The following GREP1 variants were observed in gnomAD, a reference collection of about 807,000 sequenced individuals.
GREP1 encodes the protein glycine-rich extracellular protein 1.
chr16:2,998,636 CT>C (rs2072440755), intron 25 of GREP1, 113 bp downstream of exon 23: 1 of 398,064 alleles, frequency 2.5e-6, no homozygotes. Flanking sequence ...CTACATCCCT[CT>C]ATCCCCTGCC....
intron 2 of GREP1, chr16:2,988,844 G>T: frequency 2.5e-6 from 1 of 394,242 alleles, no homozygotes; most frequent in African/African-American, 2.1e-5. Flanking sequence ...CAGCCCTGAG[G>T]ACGGGCCTGG....
chr16:2,989,002 T>A lies in GREP1; in HGVS notation c.100+380T>A. 1 of 273,132 alleles carries A rather than the reference T, an allele frequency of 3.7e-6. No homozygotes were observed. The allele number at this position is 273,132 out of a possible 1,614,324, so 16.9% of individuals were successfully genotyped here. ...GGAGTGTCATGGAAGAGTCTTTACT[T>A]CAGGGACCTGGGGGGTCCTAAGGGT... On this transcript the variant is annotated intron_variant, in intron 2 of 34. Coordinates refer to ENST00000573315, the Ensembl canonical transcript of GREP1. The surrounding 1 kb of genome is among the most constrained non-coding windows in gnomAD (Gnocchi z 4.2).
chr16:2,998,950 C>T (rs2072443323), exon 26 of GREP1: 2 of 399,152 alleles, frequency 5.0e-6, no homozygotes, highest in South Asian at 2.5e-4. Flanking sequence ...TCCCAGCCCC[C>T]TTCCGCAGTG....
chr16:2,996,653 A>T lies in GREP1; in HGVS notation c.713-20A>T, dbSNP rs1033737632. Reference sequence around the variant, plus strand: ...AGCAGCACTGGCTGGAGTTGATGTCAGCCTCTCTGTCTCTCCCAGGCCTAG... The same window carrying T: ...AGCAGCACTGGCTGGAGTTGATGTCTGCCTCTCTGTCTCTCCCAGGCCTAG... On this transcript the variant is annotated intron_variant, in intron 19 of 34. Coordinates refer to ENST00000573315, the Ensembl canonical transcript of GREP1. The T allele has an allele frequency of 2.3e-5, 9 of 398,860 alleles. No homozygotes were observed. The Admixed American group carries it at 4.0e-4, about 18-fold the overall frequency. 24.7% of individuals were successfully genotyped at this position (398,860 alleles called of 1,614,324 possible). A position where few individuals can be genotyped will look rare whatever the true frequency, so the allele number is the denominator to read the frequency against.
intron 10 of GREP1, 185 bp from the exon 12 acceptor site, chr16:2,994,512 GA>G: frequency 2.5e-6 from 1 of 393,496 alleles, no homozygotes; most frequent in Non-Finnish European, 4.5e-6. Context: ...TCCATCTCAA[GA>G]AAATAAAAAA....
Position 2,995,266 on chromosome 16 carries a change from C to T in GREP1, c.485-18C>T, listed in dbSNP as rs547883394. 66 of 399,018 alleles carry T rather than the reference C, an allele frequency of 1.7e-4. No homozygotes were observed. The highest frequency in any genetic ancestry group is 1.2e-3 in the African/African-American group (59 of 48,680). 24.7% of individuals were successfully genotyped at this position (399,018 alleles called of 1,614,324 possible). On this transcript the variant is annotated intron_variant, in intron 13 of 34. Coordinates refer to ENST00000573315, the Ensembl canonical transcript of GREP1. ...TGGGGGCTCCTAGGTACCTCATCTGCTCCCCATTTTCCCAAAGGCTTTAGA... is the reference window on the plus strand; with the variant it reads ...TGGGGGCTCCTAGGTACCTCATCTGTTCCCCATTTTCCCAAAGGCTTTAGA...
At chr16:2,996,224 CACCGGG>C (rs1333322964) in intron 18 of GREP1, among the ~76,000 whole-genome samples, 1 of 152,214 alleles carries the variant, frequency 6.6e-6, no homozygotes, top group African/African-American at 2.4e-5. Flanking sequence ...TGAGCCACCG[CACCGGG>C]CTGAGCCCAG....
chr16:2,997,661 C>A lies in GREP1; in HGVS notation c.917-142C>A, dbSNP rs547497061. On this transcript the variant is annotated intron_variant, in intron 22 of 34. Coordinates refer to ENST00000573315, the Ensembl canonical transcript of GREP1. ...CCCCAACCTCTCCCCATGCCGCCCCCACAGACCCTGCAGTTCCCACTGGTC... is the reference window on the plus strand; with the variant it reads ...CCCCAACCTCTCCCCATGCCGCCCCAACAGACCCTGCAGTTCCCACTGGTC... 1.9e-4 allele frequency: 74 copies of A among 398,052 alleles called. No homozygotes were observed. In the Admixed American group the frequency reaches 2.4e-3, roughly 13 times the overall value. The allele number at this position is 398,052 out of a possible 1,614,324, so 24.7% of individuals were successfully genotyped here.
exon 35 of GREP1, chr16:3,001,669 T>C: frequency 2.5e-6 from 1 of 399,116 alleles, no homozygotes; most frequent in Middle Eastern, 6.3e-4. Context: ...GGGGGTCTCC[T>C]CCATGCTAGA....
In GREP1 at chr16:2,999,119, T is replaced by A. The variant is rs750004478; in HGVS notation, c.1145-137T>A. 7.0e-5 allele frequency: 28 copies of A among 398,482 alleles called. No homozygotes were observed. In the Admixed American group the frequency reaches 1.1e-3, roughly 15 times the overall value. 24.7% of individuals were successfully genotyped at this position (398,482 alleles called of 1,614,324 possible). A position where few individuals can be genotyped will look rare whatever the true frequency, so the allele number is the denominator to read the frequency against. ...AGTGACTTGTCACACAGTGATCTGC[T>A]GAGGAGAAGCCTGAACTCTGGCCCT... is the stretch of plus-strand genomic sequence containing the variant. On this transcript the variant is annotated intron_variant, in intron 26 of 34. Coordinates refer to ENST00000573315, the Ensembl canonical transcript of GREP1.
chr16:2,992,537 A>G lies in GREP1; in HGVS notation c.323-268A>G. On this transcript the variant is annotated intron_variant, in intron 8 of 34. Coordinates refer to ENST00000573315, the Ensembl canonical transcript of GREP1. This position sits in a 1 kb window ranked among gnomAD's most constrained non-coding sequence, Gnocchi z 4.9. Reference sequence around the variant, plus strand: ...TGGGCTCTTGGGGGTTCATTCATTCACCCAATCTCCCCTGAGCACCCGTCC... The same window carrying G: ...TGGGCTCTTGGGGGTTCATTCATTCGCCCAATCTCCCCTGAGCACCCGTCC... 3.1e-6 allele frequency: 1 copy of G among 319,726 alleles called. No homozygotes were observed. The highest frequency in any genetic ancestry group is 5.0e-5 in the Admixed American group (1 of 20,128). The allele number at this position is 319,726 out of a possible 1,614,324, so 19.8% of individuals were successfully genotyped here. A position where few individuals can be genotyped will look rare whatever the true frequency, so the allele number is the denominator to read the frequency against.
intron 1 of GREP1, 122 bp from the exon 2 acceptor site, chr16:2,988,468 G>T (rs910955541): frequency 7.5e-6 from 3 of 399,116 alleles, no homozygotes; most frequent in African/African-American, 6.2e-5. Context: ...TGGAAAGCCT[G>T]GTCTGGGCAG....
chr16:3,000,446 G>C lies in GREP1; in HGVS notation c.1337G>C (p.Gly446Ala), dbSNP rs2072454509. 8 of 399,114 alleles carry C rather than the reference G, an allele frequency of 2.0e-5. No individual in the cohort carries two copies. The East Asian group carries it at 2.8e-4, about 14-fold the overall frequency. 24.7% of individuals were successfully genotyped at this position (399,114 alleles called of 1,614,324 possible). ...CTCTTTCCTCCTCCAGGGTTCCATG[G>C]GGCCAATGGTTTTAGGAATAGTGAG... Residue 446 changes from glycine (G) to alanine (A), a missense_variant, in exon 31 of 35, where the codon GGG (glycine) becomes GCG (alanine). Coordinates refer to ENST00000573315, the Ensembl canonical transcript of GREP1.
intron 25 of GREP1, 146 bp from the exon 24 acceptor site, chr16:2,998,702 A>C: frequency 2.5e-6 from 1 of 398,074 alleles, no homozygotes; most frequent in East Asian, 3.6e-5. Flanking sequence ...GGCTTTTTCC[A>C]GCCTGGCTAA....
Position 2,998,996 on chromosome 16 carries a change from G to T in GREP1, c.1144+17G>T. On this transcript the variant is annotated intron_variant, in intron 26 of 34. Coordinates refer to ENST00000573315, the Ensembl canonical transcript of GREP1. ...AGTTACCAGGTCAGTGTGGAGTGGG[G>T]GTGCCTAGGGGGCACTGGGAAGCAC... 2.5e-6 allele frequency: 1 copy of T among 399,114 alleles called. No homozygotes were observed. 24.7% of individuals were successfully genotyped at this position (399,114 alleles called of 1,614,324 possible). A position where few individuals can be genotyped will look rare whatever the true frequency, so the allele number is the denominator to read the frequency against.
intron 27 of GREP1, 120 bp from the exon 25 acceptor site, chr16:2,999,782 C>T (rs532123403): frequency 5.0e-5 from 20 of 398,304 alleles, no homozygotes; most frequent in Admixed American, 4.4e-4. Context: ...CTTCTGGTTC[C>T]ATTCCCTGTG....
chr16:3,000,529 C>T (rs147986066), intron 31 of GREP1, 185 bp from the exon 27 acceptor site: 188 of 399,118 alleles, frequency 4.7e-4, no homozygotes, highest in African/African-American at 2.5e-3. Flanking sequence ...AGGGGCTAGG[C>T]GGGAATGACC....
chr16:2,994,465 C>T (rs1407920332), intron 10 of GREP1: 15 of 349,622 alleles, frequency 4.3e-5, no homozygotes, highest in Admixed American at 3.8e-4. Context: ...ACCAAGATCA[C>T]GCCATTGCTC....
chr16:3,001,712 T>C (rs960661524), exon 35 of GREP1: 1 of 398,714 alleles, frequency 2.5e-6, no homozygotes, highest in African/African-American at 2.1e-5. Context: ...TGCCTCCGCG[T>C]GCCATGCAAG....
Sources: allele counts gnomAD v4.1 joint callset (sites outside exome capture counted in the v4.1 genomes callset), GRCh38; gene constraint gnomAD v4.1.1; non-coding constraint Gnocchi (gnomAD v3.1); transcripts MANE v1.5; gene names NCBI Gene and HGNC (gene_info 2026-07-23, HGNC 2026-07-21).